Variants in STARD13 observed in about 807,000 individuals in gnomAD.
The protein encoded by STARD13 is StAR related lipid transfer domain containing 13.
In STARD13, 62 loss-of-function variants were observed where a neutral mutation model predicts 106.4. That is an observed-to-expected ratio of 0.58 (90% confidence interval 0.48 to 0.72). STARD13 has a LOEUF of 0.72. STARD13 is among the 30% of genes least tolerant of loss of function. STARD13 has a pLI of 0.00. For missense variants in STARD13, 1,387 were observed against 1,424.0 expected, an observed-to-expected ratio of 0.97 and a Z score of 0.42; for synonymous variants, 565 against 553.0, an observed-to-expected ratio of 1.02 and a Z score of -0.31.
chr13:33,637,602 G>C, the STARD13 span, among the ~76,000 whole-genome samples: 3,051 of 152,270 alleles, frequency 0.02, 96 homozygotes, highest in African/African-American at 0.069. Context: ...TCACCAATCT[G>C]TGTTGCAGAC....
exon 1 of STARD13, chr13:33,350,558 T>C (rs1280740645): frequency 1.1e-5 from 15 of 1,408,532 alleles, no homozygotes; most frequent in Admixed American, 2.8e-5. Flanking sequence ...CATGGGTCGG[T>C]CCGGCGCTGG....
At chr13:33,480,115 T>C in the STARD13 span, among the ~76,000 whole-genome samples, 1 of 152,332 alleles carries the variant, frequency 6.6e-6, no homozygotes, top group East Asian at 1.9e-4. Context: ...GGAATACTTG[T>C]ATGTGTATTT....
the STARD13 span, among the ~76,000 whole-genome samples, chr13:33,367,114 G>C: frequency 6.6e-6 from 1 of 152,144 alleles, no homozygotes; most frequent in Admixed American, 6.5e-5. Flanking sequence ...GCACATTCAC[G>C]ATCTTTCTGC....
the STARD13 span, among the ~76,000 whole-genome samples, chr13:33,555,795 A>T: frequency 6.6e-5 from 10 of 152,202 alleles, no homozygotes; most frequent in African/African-American, 2.4e-4. Flanking sequence ...CTAACATCAG[A>T]ATTATGAGAA....
chr13:33,169,728 C>G (rs928743399), intron 1 of STARD13, among the ~76,000 whole-genome samples: 1 of 152,060 alleles, frequency 6.6e-6, no homozygotes, highest in Non-Finnish European at 1.5e-5. Flanking sequence ...TGGGGAAGAC[C>G]CACAAGACAG....
chr13:33,410,356 T>G, the STARD13 span, among the ~76,000 whole-genome samples: 6 of 152,344 alleles, frequency 3.9e-5, no homozygotes, highest in East Asian at 7.7e-4. Flanking sequence ...AAAGGCTCAT[T>G]GTGAGCAAAG....
At chr13:33,540,061 G>A in the STARD13 span, among the ~76,000 whole-genome samples, 2 of 152,142 alleles carry the variant, frequency 1.3e-5, no homozygotes, top group Non-Finnish European at 2.9e-5. Flanking sequence ...AGCAAGTGTT[G>A]GCATTTGATA....
the STARD13 span, among the ~76,000 whole-genome samples, chr13:33,461,304 C>T: frequency 6.6e-6 from 1 of 152,226 alleles, no homozygotes; most frequent in Admixed American, 6.5e-5. Flanking sequence ...AAGCCTGTGA[C>T]ATGTCTCTCT....
intron 1 of STARD13, among the ~76,000 whole-genome samples, chr13:33,213,078 C>A (rs1887817344): frequency 6.6e-6 from 1 of 152,094 alleles, no homozygotes; most frequent in African/African-American, 2.4e-5. Context: ...TAAGAAAAAT[C>A]AGACAGTACA....
the STARD13 span, among the ~76,000 whole-genome samples, chr13:33,535,735 G>A: frequency 6.6e-6 from 1 of 152,150 alleles, no homozygotes; most frequent in African/African-American, 2.4e-5. Flanking sequence ...ATATGTTCTA[G>A]CCCTCAAATG....
At chr13:33,623,603 C>T in the STARD13 span, among the ~76,000 whole-genome samples, 1 of 151,990 alleles carries the variant, frequency 6.6e-6, no homozygotes. Flanking sequence ...ACTACATCTA[C>T]ATATTTAATT....
the STARD13 span, among the ~76,000 whole-genome samples, chr13:33,639,273 T>C: frequency 6.6e-6 from 1 of 152,136 alleles, no homozygotes; most frequent in East Asian, 1.9e-4. Flanking sequence ...AATTCAGTCA[T>C]GGGAATACTT....
chr13:33,546,889 G>A, the STARD13 span, among the ~76,000 whole-genome samples: 6 of 152,078 alleles, frequency 3.9e-5, no homozygotes, highest in Admixed American at 3.9e-4. Context: ...CTTTTAAAGT[G>A]AAAGTATTGA....
chr13:33,673,574 C>T, the STARD13 span, among the ~76,000 whole-genome samples: 1 of 110,320 alleles, frequency 9.1e-6, no homozygotes, highest in South Asian at 2.3e-4. Context: ...GACAGAGTCT[C>T]ACTCTGTCAC....
the STARD13 span, among the ~76,000 whole-genome samples, chr13:33,579,024 G>A: frequency 6.6e-6 from 1 of 152,054 alleles, no homozygotes; most frequent in African/African-American, 2.4e-5. Flanking sequence ...TGGATGTGGT[G>A]AAGAGGGAAT....
chr13:33,114,581 T>G (rs1466554086), intron 8 of STARD13, among the ~76,000 whole-genome samples: 1 of 152,204 alleles, frequency 6.6e-6, no homozygotes, highest in Non-Finnish European at 1.5e-5. Context: ...ATGGTACTAA[T>G]GATCTGAAGC....
chr13:33,464,523 A>G, the STARD13 span, among the ~76,000 whole-genome samples: 1 of 152,116 alleles, frequency 6.6e-6, no homozygotes, highest in African/African-American at 2.4e-5. Context: ...CTACTATTGC[A>G]TAATAATACT....
At chr13:33,121,567 CAA>C (rs1240533382) in intron 7 of STARD13, among the ~76,000 whole-genome samples, 31 of 65,228 alleles carry the variant, frequency 4.8e-4, no homozygotes, top group African/African-American at 8.8e-4. Context: ...GACTCCACCT[CAA>C]AAAAAAAAAA....
At chr13:33,576,355 T>TG in the STARD13 span, among the ~76,000 whole-genome samples, 1 of 152,122 alleles carries the variant, frequency 6.6e-6, no homozygotes, top group Non-Finnish European at 1.5e-5. Context: ...CCCAAGTAGC[T>TG]GGGACTACAG....
Sources: gnomAD v4.1 joint callset for allele counts (sites outside exome capture counted in the v4.1 genomes callset) on GRCh38, gnomAD v4.1.1 for gene constraint, MANE v1.5 for transcripts, NCBI Gene and HGNC (gene_info 2026-07-23, HGNC 2026-07-21) for gene names.